The following MSMO1 variants were observed in gnomAD, a reference collection of about 807,000 sequenced individuals.
The protein encoded by MSMO1 is C-4 methylsterol oxidase.
MSMO1 carries 18 observed loss-of-function variants against 30.4 expected under a neutral mutation model. That is an observed-to-expected ratio of 0.59 (90% confidence interval 0.41 to 0.88). MSMO1 has a LOEUF of 0.88. Ranked by LOEUF, MSMO1 falls within the 40% of genes least tolerant of loss-of-function variation. MSMO1 has a pLI of 0.00. For missense variants in MSMO1, 284 were observed against 340.5 expected, an observed-to-expected ratio of 0.83 and a Z score of 1.31; for synonymous variants, 84 against 107.9, an observed-to-expected ratio of 0.78 and a Z score of 1.37.
At chr4:165,333,795 A>G (rs933253681) in intron 2 of MSMO1, among the ~76,000 whole-genome samples, 170 bp downstream of exon 2, 1 of 152,236 alleles carries the variant, frequency 6.6e-6, no homozygotes, top group Non-Finnish European at 1.5e-5. Context: ...GTAAAAAGAA[A>G]TAAGGAAATT....
chr4:165,337,807 G>C lies in MSMO1; in HGVS notation c.274G>C (p.Glu92Gln), dbSNP rs562071490. The C allele has an allele frequency of 1.6e-5, 26 of 1,613,704 alleles. No individual in the cohort carries two copies. The African/African-American group carries it at 3.5e-4, about 22-fold the overall frequency. The change falls in exon 3 of 6, where the codon GAA becomes CAA. Residue 92 changes from glutamate to glutamine, a missense_variant. Physicochemically the swap from Glu to Gln is conservative, Grantham distance 29. Transcript: ENST00000261507. ...KIQKDKPETW[E>Q]NQWKCFKVLL... ...TTCGTAGGATAAGCCAGAGACATGG[G>C]AAAACCAATGGAAGTGTTTCAAAGT...
In MSMO1 at chr4:165,338,270, T is replaced by C. The variant is rs963715088; in HGVS notation, c.404+333T>C. On this transcript the variant is annotated intron_variant, in intron 3 of 5. Coordinates refer to ENST00000261507, the MANE Select transcript of MSMO1 (RefSeq NM_006745.5). Reference sequence around the variant, plus strand: ...ATATGAGAATCATTTATGAGGTTTATAGAAATTGTGTTTACATGAACAAAA... The same window carrying C: ...ATATGAGAATCATTTATGAGGTTTACAGAAATTGTGTTTACATGAACAAAA... Among the ~76,000 whole-genome samples the C allele has an allele frequency of 6.0e-5, 9 of 150,278 alleles. No individual in the cohort carries two copies. In the East Asian group the frequency reaches 1.8e-3, roughly 29 times the overall value.
Position 165,333,470 on chromosome 4 carries a change from A to T in MSMO1, c.100A>T (p.Lys34Ter). Residue 34 changes from lysine to a stop codon, truncating the protein, a stop_gained, in exon 2 of 6, where the codon AAA becomes TAA. Transcript: ENST00000261507. LOFTEE classifies it high-confidence loss of function. The stretch of plus-strand genomic sequence containing the variant: ...TGAGAATCCTCTGCAAGAACCATTT[A>T]AAAATGCTTGGAACTATATGTTGAA... ...LPENPLQEPF[K>*]NAWNYMLNNY... 1 of 1,613,444 alleles carries T rather than the reference A, an allele frequency of 6.2e-7. No individual in the cohort carries two copies.
In MSMO1 at chr4:165,341,806, C is replaced by T. The variant is rs754262741; in HGVS notation, c.742C>T (p.Arg248Trp). 20 of 1,613,554 alleles carry T rather than the reference C, an allele frequency of 1.2e-5. No individual in the cohort carries two copies. Among genetic ancestry groups the T allele is most frequent in the South Asian group, 2.2e-5 (2 of 91,058 alleles). The stretch of plus-strand genomic sequence containing the variant: ...TCTGATCCCTTTCTATGCTGGTTCT[C>T]GGCATCATGATTTCCACCACATGAA... Reference protein sequence around the residue: ...LNLIPFYAGSRHHDFHHMNFI... With the variant: ...LNLIPFYAGSWHHDFHHMNFI... Residue 248 changes from arginine (R) to tryptophan (W), a missense_variant, in exon 6 of 6, where the codon CGG (arginine) becomes TGG (tryptophan). Transcript: ENST00000261507.
At chr4:165,329,043 G>A (rs188115416) in intron 1 of MSMO1, among the ~76,000 whole-genome samples, 46 of 152,294 alleles carry the variant, frequency 3.0e-4, no homozygotes, top group African/African-American at 1.0e-3. Flanking sequence ...GGAGTTTAGG[G>A]GAGAGGGCTA....
In MSMO1 at chr4:165,341,765, C is replaced by G. The variant is rs1747720711; in HGVS notation, c.701C>G (p.Pro234Arg). ...TIDVHSGYDI[P>R]LNPLNLIPFY... Reference sequence around the variant, plus strand: ...TTTTGTTTCAGTGGTTATGATATTCCTCTCAACCCTTTAAATCTGATCCCT... The same window carrying G: ...TTTTGTTTCAGTGGTTATGATATTCGTCTCAACCCTTTAAATCTGATCCCT... Residue 234 changes from proline (P) to arginine (R), a missense_variant, in exon 6 of 6, where the codon CCT becomes CGT. Pro to Arg is a moderately radical substitution (Grantham distance 103). Transcript: ENST00000261507. The G allele has an allele frequency of 3.1e-6, 5 of 1,610,638 alleles. No homozygotes were observed. The highest frequency in any genetic ancestry group is 3.4e-6 in the Non-Finnish European group (4 of 1,177,156).
rs147746993 is a variant in MSMO1 at position 165,336,570 on chromosome 4, G to A, written c.256-1219G>A. Reference sequence around the variant, plus strand: ...TCTATTAACCATAGTTGCTGTAGGAGACAGTACTATTGCCAACTGAAGCCT... The same window carrying A: ...TCTATTAACCATAGTTGCTGTAGGAAACAGTACTATTGCCAACTGAAGCCT... On this transcript the variant is annotated intron_variant, in intron 2 of 5. Transcript: ENST00000261507. Among the ~76,000 whole-genome samples, 433 of 152,340 alleles carry A rather than the reference G, an allele frequency of 2.8e-3. 2 individuals carry two copies. The highest frequency in any genetic ancestry group is 4.4e-3 in the Non-Finnish European group (299 of 68,040).
At chr4:165,339,219 C>T (rs572603836) in intron 4 of MSMO1, among the ~76,000 whole-genome samples, 2 of 149,646 alleles carry the variant, frequency 1.3e-5, no homozygotes, top group South Asian at 4.3e-4. Flanking sequence ...ATTCTCCTGC[C>T]TCAGCCTTTC....
Position 165,342,732 on chromosome 4 carries a change from A to C in MSMO1, c.*786A>C, listed in dbSNP as rs1000117378. 3 of 152,224 alleles carry C rather than the reference A, an allele frequency of 2.0e-5. No homozygotes were observed. The highest frequency in any genetic ancestry group is 4.4e-5 in the Non-Finnish European group (3 of 68,064). 9.4% of individuals were successfully genotyped at this position (152,224 alleles called of 1,614,324 possible). A position where few individuals can be genotyped will look rare whatever the true frequency, so the allele number is the denominator to read the frequency against. On this transcript the variant is annotated 3_prime_UTR_variant, in exon 6 of 6. Coordinates refer to ENST00000261507, the MANE Select transcript of MSMO1 (RefSeq NM_006745.5). The stretch of plus-strand genomic sequence containing the variant: ...GGATTGAACCTCATCAATTGATAGC[A>C]GTGAGTGACTGAAGCTTCCAAATCA...
chr4:165,329,271 TTTTAA>T (rs1747321221), intron 1 of MSMO1, among the ~76,000 whole-genome samples: 1 of 152,132 alleles, frequency 6.6e-6, no homozygotes, highest in African/African-American at 2.4e-5. Context: ...TCACTCTATT[TTTTAA>T]TTTGTCACCT....
In MSMO1 at chr4:165,333,453, C is replaced by T; in HGVS notation, c.83C>T (p.Pro28Leu). 1.2e-6 allele frequency: 2 copies of T among 1,612,800 alleles called. No individual in the cohort carries two copies. Among genetic ancestry groups the T allele is most frequent in the Non-Finnish European group, 1.7e-6 (2 of 1,179,656 alleles). ...GTAGATTCACTTTTACCTGAGAATC[C>T]TCTGCAAGAACCATTTAAAAATGCT... ...EYVDSLLPEN[P>L]LQEPFKNAWN... The change falls in exon 2 of 6, where the codon CCT (proline) becomes CTT (leucine). Residue 28 changes from proline (P) to leucine (L), a missense_variant. Pro to Leu is a moderately conservative substitution (Grantham distance 98, BLOSUM62 -3). Transcript: ENST00000261507.
At position 165,342,911 on chromosome 4, in the gene MSMO1, C is replaced by T. The variant is rs1202403801; in HGVS notation, c.*965C>T. On this transcript the variant is annotated 3_prime_UTR_variant, in exon 6 of 6. Transcript: ENST00000261507. ...TTTAGTCTAAAGGCTTTTCAAATTA[C>T]TTGAATTTTTTTAAAAATTGAGGAG... The T allele has an allele frequency of 6.6e-6, 1 of 152,592 alleles. No homozygotes were observed. The highest frequency in any genetic ancestry group is 1.5e-5 in the Non-Finnish European group (1 of 68,016). 9.5% of individuals were successfully genotyped at this position (152,592 alleles called of 1,614,324 possible).
chr4:165,335,343 G>C (rs1239954687), intron 2 of MSMO1, among the ~76,000 whole-genome samples: 1 of 152,152 alleles, frequency 6.6e-6, no homozygotes, highest in Admixed American at 6.6e-5. Flanking sequence ...CAGGCCAAAG[G>C]AGAAAAGAGC....
chr4:165,342,718 C>T lies in MSMO1; in HGVS notation c.*772C>T, dbSNP rs1011858303. On this transcript the variant is annotated 3_prime_UTR_variant, in exon 6 of 6. Coordinates refer to ENST00000261507, the MANE Select transcript of MSMO1 (RefSeq NM_006745.5). Reference sequence around the variant, plus strand: ...GATCAAAATATCATGGATTGAACCTCATCAATTGATAGCAGTGAGTGACTG... The same window carrying T: ...GATCAAAATATCATGGATTGAACCTTATCAATTGATAGCAGTGAGTGACTG... The T allele has an allele frequency of 3.9e-5, 6 of 152,288 alleles. No homozygotes were observed. Among genetic ancestry groups the T allele is most frequent in the South Asian group, 4.2e-4 (2 of 4,816 alleles). 9.4% of individuals were successfully genotyped at this position (152,288 alleles called of 1,614,324 possible).
intron 5 of MSMO1, among the ~76,000 whole-genome samples, 167 bp from the exon 6 acceptor site, chr4:165,341,584 A>G (rs915489059): frequency 7.9e-5 from 12 of 152,120 alleles, no homozygotes; most frequent in African/African-American, 2.9e-4. Context: ...TTTCTAGAAT[A>G]TACACCATTT....
At position 165,341,813 on chromosome 4, in the gene MSMO1, A is replaced by C; in HGVS notation, c.749A>C (p.His250Pro). The C allele has an allele frequency of 6.2e-7, 1 of 1,613,768 alleles. No homozygotes were observed. ...CCTTTCTATGCTGGTTCTCGGCATCATGATTTCCACCACATGAACTTCATT... is the reference window on the plus strand; with the variant it reads ...CCTTTCTATGCTGGTTCTCGGCATCCTGATTTCCACCACATGAACTTCATT... ...LIPFYAGSRHHDFHHMNFIGN... is the reference protein window; with the variant it reads ...LIPFYAGSRHPDFHHMNFIGN... The change falls in exon 6 of 6, where the codon CAT (histidine) becomes CCT (proline). Residue 250 changes from histidine (H) to proline (P), a missense_variant. By Grantham distance (77) the His-to-Pro change is moderately conservative (BLOSUM62 -2). Transcript: ENST00000261507.
intron 2 of MSMO1, among the ~76,000 whole-genome samples, chr4:165,334,894 A>G (rs558408166): frequency 6.6e-6 from 1 of 152,192 alleles, no homozygotes; most frequent in African/African-American, 2.4e-5. Flanking sequence ...GGGTTGTTGT[A>G]TCCATGGATC....
At chr4:165,338,868 T>C in intron 4 of MSMO1, 90 bp downstream of exon 4, 1 of 1,045,832 alleles carries the variant, frequency 9.6e-7, no homozygotes, top group Non-Finnish European at 1.4e-6. Flanking sequence ...TTGGTGACGT[T>C]TTTATTTTCT....
In MSMO1 at chr4:165,337,989, A is replaced by G. The variant is rs752626560; in HGVS notation, c.404+52A>G. ...CACCCAATTGTGGCTTATTCAGTTA[A>G]GTTATACTTAATGTTTACCCGTTTT... On this transcript the variant is annotated intron_variant, in intron 3 of 5. Coordinates refer to ENST00000261507, the MANE Select transcript of MSMO1 (RefSeq NM_006745.5). 2.6e-6 allele frequency: 4 copies of G among 1,522,170 alleles called. No individual in the cohort carries two copies. In the Admixed American group the frequency reaches 5.0e-5, roughly 19 times the overall value. 94.3% of individuals were successfully genotyped at this position (1,522,170 alleles called of 1,614,324 possible). A position where few individuals can be genotyped will look rare whatever the true frequency, so the allele number is the denominator to read the frequency against.
Sources: gnomAD v4.1 joint callset for allele counts (sites outside exome capture counted in the v4.1 genomes callset) on GRCh38, gnomAD v4.1.1 for gene constraint, MANE v1.5 for transcripts, NCBI Gene and HGNC (gene_info 2026-07-23, HGNC 2026-07-21) for gene names.